The following UBXN2B variants were observed in gnomAD, a reference collection of about 807,000 sequenced individuals.
The protein encoded by UBXN2B is UBX domain-containing protein 2B.
In UBXN2B, 19 loss-of-function variants were observed where a neutral mutation model predicts 37.5. That is an observed-to-expected ratio of 0.51 (90% CI 0.35 to 0.74). The LOEUF is 0.74. Among genes scored for constraint, UBXN2B ranks in the 30% least tolerant of loss-of-function variants. The probability of loss-of-function intolerance (pLI) is 0.01; values close to 1 mark genes in which losing one functional copy is unlikely to be tolerated. For missense variants in UBXN2B, 370 were observed against 393.2 expected (o/e 0.94, Z 0.50); for synonymous variants, 145 against 143.8 (o/e 1.01, Z -0.06).
In UBXN2B at chr8:58,411,454, C is replaced by T; in HGVS notation, c.69C>T (p.Ser23=). The change falls in exon 1 of 8, where the codon AGC becomes AGT. Residue 23 remains serine, a synonymous_variant. Transcript: ENST00000399598. ...ERRSSGPRPP[S]ARDLQLALAE... is the part of the protein sequence containing the mutation. ...GGTCTTCCGGGCCGCGGCCTCCGAG[C>T]GCGCGGGATTTGCAGGTGAGGCGAG... The T allele has an allele frequency of 4.0e-6, 5 of 1,254,672 alleles. No individual in the cohort carries two copies. Among genetic ancestry groups the T allele is most frequent in the Non-Finnish European group, 5.0e-6 (5 of 994,320 alleles). 77.7% of individuals were successfully genotyped at this position (1,254,672 alleles called of 1,614,324 possible). A position where few individuals can be genotyped will look rare whatever the true frequency, so the allele number is the denominator to read the frequency against.
intron 2 of UBXN2B, among the ~76,000 whole-genome samples, chr8:58,429,595 G>T (rs1045579647): frequency 5.9e-5 from 9 of 152,040 alleles, no homozygotes; most frequent in Non-Finnish European, 1.2e-4. Flanking sequence ...GTGAGAGCTG[G>T]TCTGTTCTTT....
At chr8:58,419,034 A>G (rs16923452) in intron 2 of UBXN2B, among the ~76,000 whole-genome samples, 45,046 of 152,058 alleles carry the variant, frequency 0.3, 7,163 homozygotes, top group East Asian at 0.47. Flanking sequence ...GTCTGAAACA[A>G]TGCTGTGATT....
At position 58,414,388 on chromosome 8, in the gene UBXN2B, A is replaced by C. The variant is rs1188640825; in HGVS notation, c.85-2462A>C. Among the ~76,000 whole-genome samples, 3 of 152,334 alleles carry C rather than the reference A, an allele frequency of 2.0e-5. No homozygotes were observed. In the East Asian group the frequency reaches 5.8e-4, roughly 29 times the overall value. On this transcript the variant is annotated intron_variant, in intron 1 of 7. Coordinates refer to ENST00000399598, the MANE Select transcript of UBXN2B (RefSeq NM_001077619.2). Reference sequence around the variant, plus strand: ...TGGTTACTCTAAGGCTGAGAATTCCAATACTTTTAATATTTTGCTATATAC... The same window carrying C: ...TGGTTACTCTAAGGCTGAGAATTCCCATACTTTTAATATTTTGCTATATAC...
chr8:58,416,927 C>T lies in UBXN2B; in HGVS notation c.162C>T (p.Phe54=). The T allele has an allele frequency of 6.2e-7, 1 of 1,610,304 alleles. No individual in the cohort carries two copies. ...SKSNRPKATV[F]KSPRTPPQRF... ...CTAATAGACCTAAAGCCACAGTCTT[C>T]AAGAGCCCACGGACACCACCTCAAC... The change falls in exon 2 of 8, where the codon TTC becomes TTT. Residue 54 remains phenylalanine, a synonymous_variant. Coordinates refer to ENST00000399598, the MANE Select transcript of UBXN2B (RefSeq NM_001077619.2).
chr8:58,428,681 A>T (rs1009553908), intron 2 of UBXN2B, among the ~76,000 whole-genome samples: 2 of 152,220 alleles, frequency 1.3e-5, no homozygotes, highest in African/African-American at 2.4e-5. Context: ...TTCAGCAATC[A>T]ATAAATATTT....
At chr8:58,427,999 T>C (rs1430533103) in intron 2 of UBXN2B, among the ~76,000 whole-genome samples, 1 of 152,146 alleles carries the variant, frequency 6.6e-6, no homozygotes, top group Non-Finnish European at 1.5e-5. Flanking sequence ...AGTTCAACTA[T>C]GAAACAGCGA....
chr8:58,422,558 T>C (rs2129603858), intron 2 of UBXN2B, among the ~76,000 whole-genome samples: 1 of 152,366 alleles, frequency 6.6e-6, no homozygotes, highest in East Asian at 1.9e-4. Flanking sequence ...TTAGCAAATC[T>C]TACCATTTGG....
At chr8:58,414,014 A>C (rs1367410447) in intron 1 of UBXN2B, among the ~76,000 whole-genome samples, 3 of 152,194 alleles carry the variant, frequency 2.0e-5, no homozygotes, top group African/African-American at 7.2e-5. Flanking sequence ...CTGTTTCTAC[A>C]TAGGTTGGAC....
intron 3 of UBXN2B, among the ~76,000 whole-genome samples, chr8:58,432,244 A>G (rs1808297530): frequency 6.6e-6 from 1 of 151,940 alleles, no homozygotes; most frequent in Non-Finnish European, 1.5e-5. Flanking sequence ...GATCTATTTG[A>G]ATTTTTTATA....
intron 2 of UBXN2B, among the ~76,000 whole-genome samples, chr8:58,421,014 C>G (rs1008024964): frequency 6.6e-6 from 1 of 152,156 alleles, no homozygotes; most frequent in Non-Finnish European, 1.5e-5. Context: ...GTAGTTATGT[C>G]TACAGTCTAA....
chr8:58,428,125 G>A (rs1476234323), intron 2 of UBXN2B, among the ~76,000 whole-genome samples: 1 of 152,222 alleles, frequency 6.6e-6, no homozygotes, highest in African/African-American at 2.4e-5. Flanking sequence ...TGAGTATTCA[G>A]TAGCAAACCT....
chr8:58,425,537 A>G (rs1247906860), intron 2 of UBXN2B: 1 of 1,079,268 alleles, frequency 9.3e-7, no homozygotes, highest in Non-Finnish European at 1.4e-6. Context: ...TTATTTTTAT[A>G]TCTATTTTTG....
chr8:58,425,275 TTACTC>T (rs765918842), intron 2 of UBXN2B: 22 of 1,148,948 alleles, frequency 1.9e-5, no homozygotes, highest in Non-Finnish European at 2.8e-5. Context: ...TTTGACACAT[TTACTC>T]TATCCTCTCT....
At chr8:58,425,767 A>C (rs559987235) in intron 2 of UBXN2B, 437 of 1,150,644 alleles carry the variant, frequency 3.8e-4, no homozygotes, top group Non-Finnish European at 5.1e-4. Flanking sequence ...CCATCATAGG[A>C]TTCTTCTTGT....
At chr8:58,429,841 T>C (rs1391622679) in intron 2 of UBXN2B, among the ~76,000 whole-genome samples, 1 of 152,210 alleles carries the variant, frequency 6.6e-6, no homozygotes, top group Non-Finnish European at 1.5e-5. Context: ...GTTTCTGATA[T>C]TCTTGATAGA....
intron 5 of UBXN2B, chr8:58,434,749 G>C (rs1404470770): frequency 2.0e-5 from 30 of 1,481,164 alleles, no homozygotes; most frequent in Non-Finnish European, 2.6e-5. Context: ...AAAATCTGAT[G>C]AAACTATGAA....
intron 2 of UBXN2B, chr8:58,426,432 T>C (rs536899415): frequency 1.6e-6 from 1 of 618,950 alleles, no homozygotes; most frequent in South Asian, 1.5e-5. Flanking sequence ...ATGGTCTCAA[T>C]CTCCTGACTT....
chr8:58,445,433 G>A (rs766189353), intron 6 of UBXN2B, among the ~76,000 whole-genome samples: 3 of 152,166 alleles, frequency 2.0e-5, no homozygotes, highest in African/African-American at 7.2e-5. Flanking sequence ...GCTGGCACCC[G>A]TTGAAACACT....
At chr8:58,431,072 A>G (rs1013824634) in intron 3 of UBXN2B, among the ~76,000 whole-genome samples, 1 of 152,170 alleles carries the variant, frequency 6.6e-6, no homozygotes, top group Non-Finnish European at 1.5e-5. Context: ...TAATCACCCA[A>G]CTGAAACTCT....
Sources: allele counts gnomAD v4.1 joint callset (sites outside exome capture counted in the v4.1 genomes callset), GRCh38; gene constraint gnomAD v4.1.1; transcripts MANE v1.5; gene names NCBI Gene and HGNC (gene_info 2026-07-23, HGNC 2026-07-21).